HGF: variants seen among roughly 807,000 people sequenced by gnomAD.
HGF encodes the protein hepatocyte growth factor, also known as fibroblast-derived tumor cytotoxic factor.
A neutral mutation model predicts 111.6 loss-of-function variants in HGF; 39 were observed. The ratio of observed to expected loss-of-function variants is 0.35; its 90% CI spans 0.27 to 0.46. The LOEUF is 0.46. Among genes scored for constraint, HGF ranks in the 20% least tolerant of loss-of-function variants. The pLI, the probability that HGF is intolerant of heterozygous loss-of-function variation, is 1.00. For synonymous variants in HGF, 285 were observed against 294.8 expected (o/e 0.97, Z 0.34); for missense variants, 735 against 910.5 (o/e 0.81, Z 2.48).
chr7:81,752,366 C>A, intron 4 of HGF, 104 bp from the exon 5 acceptor site: 1 of 891,162 alleles, frequency 1.1e-6, no homozygotes, highest in Non-Finnish European at 1.9e-6. Flanking sequence ...GTAGAAAAAT[C>A]CTTTATCTTA....
chr7:81,765,343 T>A (rs1455742565), intron 1 of HGF, among the ~76,000 whole-genome samples: 2 of 152,146 alleles, frequency 1.3e-5, no homozygotes, highest in Non-Finnish European at 2.9e-5. Context: ...GTGTTAATGT[T>A]TTGTTGTACC....
At chr7:81,729,532 G>C in intron 8 of HGF, 73 bp downstream of exon 8, 1 of 1,189,440 alleles carries the variant, frequency 8.4e-7, no homozygotes, top group Non-Finnish European at 1.3e-6. Context: ...CACAAAATTA[G>C]TAAAAAGTAA....
At position 81,758,872 on chromosome 7, in the gene HGF, T is replaced by C; in HGVS notation, c.255-68A>G. On this transcript the variant is annotated intron_variant, in intron 2 of 17. Transcript: ENST00000222390. The stretch of plus-strand genomic sequence containing the variant: ...ATACAGTATTTAAAGAATGGGCATA[T>C]GGTTCATCTTGTCCATGGGCATATG... 7 of 993,186 alleles carry C rather than the reference T, an allele frequency of 7.0e-6. No individual in the cohort carries two copies. The South Asian group carries it at 9.0e-5, about 13-fold the overall frequency. The allele number at this position is 993,186 out of a possible 1,614,324, so 61.5% of individuals were successfully genotyped here. A position where few individuals can be genotyped will look rare whatever the true frequency, so the allele number is the denominator to read the frequency against.
At chr7:81,723,672 G>T (rs1032666040) in intron 9 of HGF, among the ~76,000 whole-genome samples, 1 of 150,672 alleles carries the variant, frequency 6.6e-6, no homozygotes, top group Admixed American at 6.6e-5. Flanking sequence ...CCAGTTGGAA[G>T]AATATTTATA....
chr7:81,726,164 A>T (rs1790003384), intron 8 of HGF, 147 bp from the exon 9 acceptor site: 1 of 765,278 alleles, frequency 1.3e-6, no homozygotes, highest in Admixed American at 2.0e-5. Context: ...TAACAATTTA[A>T]TATTCAGTAT....
intron 11 of HGF, among the ~76,000 whole-genome samples, chr7:81,714,931 G>C (rs1394450766): frequency 2.6e-5 from 4 of 152,134 alleles, no homozygotes; most frequent in Non-Finnish European, 5.9e-5. Flanking sequence ...GGTATACATT[G>C]AAATAAAATG....
At chr7:81,707,500 T>A (rs529819721) in intron 13 of HGF, 136 bp from the exon 14 acceptor site, 1 of 654,866 alleles carries the variant, frequency 1.5e-6, no homozygotes, top group African/African-American at 1.8e-5. Context: ...CCAACTGGAA[T>A]AAAATGAGAA....
intron 7 of HGF, among the ~76,000 whole-genome samples, chr7:81,735,598 A>G (rs1244508923): frequency 6.6e-6 from 1 of 152,118 alleles, no homozygotes; most frequent in Non-Finnish European, 1.5e-5. Flanking sequence ...ACTGAATTTT[A>G]AAAGACGACT....
chr7:81,765,553 T>G (rs1789317286), intron 1 of HGF, among the ~76,000 whole-genome samples: 1 of 152,156 alleles, frequency 6.6e-6, no homozygotes, highest in Non-Finnish European at 1.5e-5. Context: ...TTCTCACTAT[T>G]TTGTTCTCAT....
At chr7:81,749,031 A>T (rs546934229) in intron 5 of HGF, among the ~76,000 whole-genome samples, 1 of 152,170 alleles carries the variant, frequency 6.6e-6, no homozygotes, top group Non-Finnish European at 1.5e-5. Flanking sequence ...CATACAGGTG[A>T]TTACTTCAAC....
intron 6 of HGF, among the ~76,000 whole-genome samples, chr7:81,743,778 A>T (rs1788105887): frequency 6.6e-6 from 1 of 152,184 alleles, no homozygotes; most frequent in African/African-American, 2.4e-5. Flanking sequence ...TTACAAAAAC[A>T]TGACTTCATG....
chr7:81,706,167 C>A, intron 15 of HGF, 120 bp downstream of exon 15: 1 of 853,154 alleles, frequency 1.2e-6, no homozygotes, highest in East Asian at 2.5e-5. Context: ...ATATATACAG[C>A]ATGTAACATA....
At chr7:81,759,607 C>G (rs1788959430) in intron 2 of HGF, among the ~76,000 whole-genome samples, 1 of 152,000 alleles carries the variant, frequency 6.6e-6, no homozygotes, top group Non-Finnish European at 1.5e-5. Flanking sequence ...CGGGTTCACG[C>G]CATTCTCCTG....
At position 81,768,113 on chromosome 7, in the gene HGF, G is replaced by A. The variant is rs994653399; in HGVS notation, c.88+1771C>T. On this transcript the variant is annotated intron_variant, in intron 1 of 17. Transcript: ENST00000222390. ...GGAAACACAGTCATTTCTACATTAG[G>A]CAAAGTGAAATATAATTACAAATGT... Among the ~76,000 whole-genome samples the A allele has an allele frequency of 7.9e-5, 12 of 152,142 alleles. 1 individual carries two copies. The highest frequency in any genetic ancestry group is 1.2e-4 in the Non-Finnish European group (8 of 68,006).
At chr7:81,721,661 C>T (rs538812792) in intron 9 of HGF, among the ~76,000 whole-genome samples, 1 of 152,280 alleles carries the variant, frequency 6.6e-6, no homozygotes, top group Admixed American at 6.5e-5. Context: ...ATGAATAAAA[C>T]CAAGTTAAAG....
intron 17 of HGF, 45 bp downstream of exon 17, chr7:81,705,345 T>C: frequency 6.4e-7 from 1 of 1,567,670 alleles, no homozygotes; most frequent in Non-Finnish European, 8.8e-7. Flanking sequence ...CATGAAACAC[T>C]AAGCTATGAA....
chr7:81,714,465 A>G (rs565563617), intron 11 of HGF, among the ~76,000 whole-genome samples: 1 of 152,266 alleles, frequency 6.6e-6, no homozygotes, highest in Admixed American at 6.5e-5. Context: ...TGCAAATACA[A>G]ATATGAGTCC....
intron 4 of HGF, chr7:81,756,009 T>C (rs1471472831): frequency 1.4e-6 from 1 of 701,616 alleles, no homozygotes; most frequent in Non-Finnish European, 2.6e-6. Flanking sequence ...CAGAATTGTG[T>C]CCCCAAAATG....
intron 14 of HGF, among the ~76,000 whole-genome samples, chr7:81,706,898 T>G (rs549122038): frequency 2.0e-5 from 3 of 151,792 alleles, no homozygotes; most frequent in Non-Finnish European, 4.4e-5. Context: ...TTGAAAATTA[T>G]GCCCAGGATG....
Sources: gnomAD v4.1 joint callset for allele counts (sites outside exome capture counted in the v4.1 genomes callset) on GRCh38, gnomAD v4.1.1 for gene constraint, MANE v1.5 for transcripts, NCBI Gene and HGNC (gene_info 2026-07-23, HGNC 2026-07-21) for gene names.